Variants in GHR observed in about 807,000 individuals in gnomAD.
GHR encodes GH receptor.
Under a neutral mutation model 67.1 loss-of-function variants are expected in GHR, and 35 were observed. The ratio of observed to expected loss-of-function variants is 0.52; its 90% CI spans 0.40 to 0.69. The LOEUF (loss-of-function observed/expected upper bound fraction) is 0.69, where lower values mean the gene tolerates loss of function less well. Among genes scored for constraint, GHR ranks in the 30% least tolerant of loss-of-function variants. The pLI is 0.00. For synonymous variants in GHR, 272 were observed against 269.1 expected (o/e 1.01, Z -0.10); for missense variants, 792 against 764.6 (o/e 1.04, Z -0.42).
intron 1 of GHR, among the ~76,000 whole-genome samples, chr5:42,524,517 G>A (rs2112316536): frequency 6.6e-6 from 1 of 152,292 alleles, no homozygotes; most frequent in Non-Finnish European, 1.5e-5. Flanking sequence ...GAGCATAAAA[G>A]TTCAGAAAAT....
intron 1 of GHR, among the ~76,000 whole-genome samples, chr5:42,501,426 C>A (rs1179029584): frequency 6.6e-6 from 1 of 152,092 alleles, no homozygotes; most frequent in Non-Finnish European, 1.5e-5. Flanking sequence ...CTATGAGACC[C>A]CAAAGACAAA....
rs1758905576 is a variant in GHR, at chr5:42,719,353, T to G, written c.1846T>G (p.Leu616Val). 1.2e-6 allele frequency: 2 copies of G among 1,614,034 alleles called. No homozygotes were observed. Among genetic ancestry groups the G allele is most frequent in the East Asian group, 4.5e-5 (2 of 44,882 alleles). Residue 616 changes from leucine to valine, a missense_variant, in exon 10 of 10, where the codon TTG (leucine) becomes GTG (valine). Physicochemically the swap from Leu to Val is conservative, Grantham distance 32 (BLOSUM62 1). Transcript: ENST00000230882. ...CATACTCAATGCGACTGCCTTGCCC[T>G]TGCCTGACAAAGAGTTTCTCTCATC... ...GLILNATALP[L>V]PDKEFLSSCG... is the part of the protein sequence containing the mutation.
At chr5:42,520,551 T>A (rs1054503843) in intron 1 of GHR, among the ~76,000 whole-genome samples, 1 of 152,144 alleles carries the variant, frequency 6.6e-6, no homozygotes, top group Non-Finnish European at 1.5e-5. Flanking sequence ...TAAACTGGAA[T>A]GACACTCAGG....
rs58416991 is a variant in GHR, at chr5:42,529,012, A to C, written c.-11-36852A>C. On this transcript the variant is annotated intron_variant, in intron 1 of 9. Transcript: ENST00000230882. ...TAGACTACAACAGATTATACACGTA[A>C]CTTTTTTTTTTTTTTTTGAGACAGA... 5.3e-3 allele frequency among the ~76,000 whole-genome samples: 537 copies of C among 102,268 alleles called. 11 individuals carry two copies. The highest frequency in any genetic ancestry group is 9.4e-3 in the African/African-American group (231 of 24,508). The allele number at this position is 102,268 out of a possible 152,430, so 67.1% of individuals were successfully genotyped here.
intron 1 of GHR, among the ~76,000 whole-genome samples, chr5:42,556,112 C>A (rs1163357608): frequency 6.6e-6 from 1 of 152,024 alleles, no homozygotes; most frequent in East Asian, 1.9e-4. Flanking sequence ...ATGTTGGACT[C>A]GATAAAAGGA....
intron 2 of GHR, among the ~76,000 whole-genome samples, chr5:42,627,961 C>T (rs1225319683): frequency 6.6e-6 from 1 of 152,160 alleles, no homozygotes; most frequent in Non-Finnish European, 1.5e-5. Flanking sequence ...GGAGGTGGCT[C>T]TCAGCAAGAT....
At chr5:42,441,711 G>A (rs897345001) in intron 1 of GHR, among the ~76,000 whole-genome samples, 8 of 152,038 alleles carry the variant, frequency 5.3e-5, no homozygotes, top group South Asian at 2.1e-4. Flanking sequence ...GGGTTTCACC[G>A]TGTTAGCCAG....
intron 6 of GHR, among the ~76,000 whole-genome samples, chr5:42,707,646 T>C (rs1758242288): frequency 6.6e-6 from 1 of 151,986 alleles, no homozygotes; most frequent in Non-Finnish European, 1.5e-5. Context: ...TGTTTTATAG[T>C]TCTACTTATA....
intron 1 of GHR, among the ~76,000 whole-genome samples, chr5:42,428,744 T>C (rs1742962735): frequency 6.6e-6 from 1 of 152,182 alleles, no homozygotes; most frequent in Non-Finnish European, 1.5e-5. Context: ...TCACCTTTGC[T>C]CCAGTTCCCA....
intron 1 of GHR, among the ~76,000 whole-genome samples, chr5:42,505,777 G>A (rs370329573): frequency 3.0e-4 from 45 of 152,242 alleles, no homozygotes; most frequent in East Asian, 2.7e-3. Flanking sequence ...AGTATAATGC[G>A]TGCTCATAGT....
intron 2 of GHR, 62 bp downstream of exon 2, chr5:42,566,006 T>C (rs1477842412): frequency 1.3e-6 from 2 of 1,578,004 alleles, no homozygotes; most frequent in Non-Finnish European, 1.7e-6. Flanking sequence ...CTGTATTCGC[T>C]ACATCCAAGT....
At chr5:42,694,766 T>G in intron 4 of GHR, 151 bp from the exon 5 acceptor site, 1 of 700,618 alleles carries the variant, frequency 1.4e-6, no homozygotes, top group Non-Finnish European at 2.6e-6. Context: ...TCCACTGATG[T>G]GATATGTCTC....
At chr5:42,447,323 G>T (rs1056217322) in intron 1 of GHR, among the ~76,000 whole-genome samples, 1 of 151,984 alleles carries the variant, frequency 6.6e-6, no homozygotes, top group African/African-American at 2.4e-5. Flanking sequence ...AGTTGCCAAA[G>T]TCTATTATAT....
intron 1 of GHR, among the ~76,000 whole-genome samples, chr5:42,478,880 T>A (rs1413347336): frequency 1.3e-5 from 2 of 152,222 alleles, no homozygotes; most frequent in African/African-American, 4.8e-5. Context: ...CTTTATTTCC[T>A]TCTCCTGCCT....
chr5:42,504,089 G>A (rs975271818), intron 1 of GHR, among the ~76,000 whole-genome samples: 2 of 152,002 alleles, frequency 1.3e-5, no homozygotes, highest in African/African-American at 4.8e-5. Context: ...TAAGCAACAT[G>A]GTCTTTTCTT....
intron 1 of GHR, among the ~76,000 whole-genome samples, chr5:42,438,280 G>A (rs1743420208): frequency 6.6e-6 from 1 of 152,146 alleles, no homozygotes; most frequent in Non-Finnish European, 1.5e-5. Context: ...CCCACAGCTG[G>A]TAAGTCGCAC....
intron 3 of GHR, among the ~76,000 whole-genome samples, chr5:42,647,985 C>T (rs552982461): frequency 9.2e-5 from 14 of 152,126 alleles, no homozygotes; most frequent in African/African-American, 2.2e-4. Context: ...AACTTAAATG[C>T]GAGCTTTTCA....
intron 1 of GHR, among the ~76,000 whole-genome samples, chr5:42,475,170 G>A (rs548243822): frequency 4.5e-4 from 68 of 152,112 alleles, no homozygotes; most frequent in African/African-American, 1.4e-3. Context: ...GAGCCACCGC[G>A]CCCAGCCTGC....
chr5:42,655,638 G>T (rs1427049952), intron 3 of GHR, among the ~76,000 whole-genome samples: 1 of 151,994 alleles, frequency 6.6e-6, no homozygotes, highest in East Asian at 1.9e-4. Flanking sequence ...ATATGTACAA[G>T]GTTCTAATAT....
Sources: allele counts gnomAD v4.1 joint callset (sites outside exome capture counted in the v4.1 genomes callset), GRCh38; gene constraint gnomAD v4.1.1; transcripts MANE v1.5; gene names NCBI Gene and HGNC (gene_info 2026-07-23, HGNC 2026-07-21).